The following FAM53A variants were observed in gnomAD, a reference collection of about 807,000 sequenced individuals.
FAM53A encodes protein FAM53A.
Under a neutral mutation model 26.6 loss-of-function variants are expected in FAM53A, and 28 were observed. The ratio of observed to expected loss-of-function variants is 1.05; its 90% CI spans 0.78 to 1.45. The LOEUF (loss-of-function observed/expected upper bound fraction) is 1.45, where lower values mean the gene tolerates loss of function less well. FAM53A is among the 40% of genes most tolerant of loss of function. FAM53A has a pLI of 0.00. For missense variants in FAM53A, 650 were observed against 575.8 expected (o/e 1.13, Z -1.32); for synonymous variants, 290 against 253.1 (o/e 1.15, Z -1.38).
At chr4:1,604,519 C>T in the FAM53A span, among the ~76,000 whole-genome samples, 3 of 152,092 alleles carry the variant, frequency 2.0e-5, no homozygotes, top group African/African-American at 7.2e-5. Flanking sequence ...CCAGGGAGCC[C>T]CCCACTCACA....
At chr4:1,617,106 C>CAGCCATATACTCCACTGCACTCT (rs1268844598), downstream of FAM53A, among the ~76,000 whole-genome samples, 21 of 151,022 alleles carry the variant, frequency 1.4e-4, no homozygotes, top group Non-Finnish European at 2.6e-4. Context: ...CACTGCACTC[C>CAGCCATATACTCCACTGCACTCT]AGGCAACAGA....
At chr4:1,644,042 G>T in intron 4 of FAM53A, 1 of 1,068,056 alleles carries the variant, frequency 9.4e-7, no homozygotes, top group Non-Finnish European at 1.3e-6. Flanking sequence ...TGGATGGCGT[G>T]GAGGTCCGGG....
the FAM53A span, among the ~76,000 whole-genome samples, chr4:1,603,887 A>AG: frequency 6.6e-6 from 1 of 152,220 alleles, no homozygotes; most frequent in Admixed American, 6.5e-5. Context: ...CGATTGCTGC[A>AG]GGCCTGACAT....
At chr4:1,673,062 C>T (rs1714794048) in intron 1 of FAM53A, among the ~76,000 whole-genome samples, 1 of 152,152 alleles carries the variant, frequency 6.6e-6, no homozygotes, top group Non-Finnish European at 1.5e-5. Flanking sequence ...GTATCACCAC[C>T]ACGCCTGGCC....
intron 2 of FAM53A, among the ~76,000 whole-genome samples, chr4:1,667,500 T>C (rs1185513103): frequency 6.6e-6 from 1 of 151,982 alleles, no homozygotes; most frequent in Admixed American, 6.6e-5. Context: ...CGGCCCTGAG[T>C]GCCAGGCCCC....
downstream of FAM53A, among the ~76,000 whole-genome samples, chr4:1,636,163 G>A (rs1444672872): frequency 6.6e-6 from 1 of 152,126 alleles, no homozygotes; most frequent in East Asian, 1.9e-4. Context: ...CTAATTCTTT[G>A]AAATGTACTG....
At chr4:1,592,307 G>C in the FAM53A span, among the ~76,000 whole-genome samples, 1 of 152,136 alleles carries the variant, frequency 6.6e-6, no homozygotes, top group Non-Finnish European at 1.5e-5. Flanking sequence ...GTCCACACGC[G>C]GCCCCATCAG....
At position 1,646,015 on chromosome 4, in the gene FAM53A, A is replaced by G. The variant is rs117225746; in HGVS notation, c.883-4408T>C. Among the ~76,000 whole-genome samples, 737 of 152,134 alleles carry G rather than the reference A, an allele frequency of 4.8e-3. 43 individuals are homozygous for G. In the East Asian group the frequency reaches 0.11, roughly 23 times the overall value. ...TCCTCCGCCAGGTGAGGACACAGCC[A>G]CAAGAGGCCATCTTGGAAGCAGAGG... is the stretch of plus-strand genomic sequence containing the variant. On this transcript the variant is annotated intron_variant, in intron 4 of 4. Transcript: ENST00000308132.
chr4:1,652,602 CATCA>C (rs1213928278), intron 4 of FAM53A, among the ~76,000 whole-genome samples: 1 of 149,502 alleles, frequency 6.7e-6, no homozygotes, highest in African/African-American at 2.5e-5. Context: ...ACACACCACA[CATCA>C]CTCACCACAC....
At chr4:1,668,036 G>C (rs1714364143) in intron 2 of FAM53A, among the ~76,000 whole-genome samples, 1 of 152,218 alleles carries the variant, frequency 6.6e-6, no homozygotes, top group Non-Finnish European at 1.5e-5. Flanking sequence ...GCGGGGTGCA[G>C]TCTGCTGCTT....
chr4:1,597,813 T>C, the FAM53A span, among the ~76,000 whole-genome samples: 1 of 152,188 alleles, frequency 6.6e-6, no homozygotes, highest in African/African-American at 2.4e-5. Context: ...CTGGCCACCA[T>C]GGTGAAACGC....
At chr4:1,639,205 T>A (rs1317231946), downstream of FAM53A, among the ~76,000 whole-genome samples, 1 of 151,976 alleles carries the variant, frequency 6.6e-6, no homozygotes, top group Non-Finnish European at 1.5e-5. Flanking sequence ...TGGAGGCCAC[T>A]CCAGCCCCAC....
At chr4:1,663,125 G>A (rs1577136936) in intron 2 of FAM53A, among the ~76,000 whole-genome samples, 1 of 152,200 alleles carries the variant, frequency 6.6e-6, no homozygotes, top group South Asian at 2.1e-4. Flanking sequence ...CGTGAACCTG[G>A]GAGGCAGAGT....
the FAM53A span, among the ~76,000 whole-genome samples, chr4:1,583,315 G>C: frequency 2.0e-5 from 3 of 152,188 alleles, no homozygotes; most frequent in Non-Finnish European, 4.4e-5. Flanking sequence ...CGGGGTCCCA[G>C]GTCTGCCCCA....
intron 1 of FAM53A, chr4:1,683,448 A>G (rs1208674907): frequency 6.6e-6 from 1 of 152,182 alleles, no homozygotes. Flanking sequence ...AGTAGTGAGA[A>G]AGGGGAAAGA....
intron 2 of FAM53A, among the ~76,000 whole-genome samples, chr4:1,661,386 C>T (rs940846578): frequency 1.3e-5 from 2 of 152,170 alleles, no homozygotes; most frequent in Admixed American, 1.3e-4. Flanking sequence ...TGCACTATCG[C>T]GACTCCTCAG....
the FAM53A span, among the ~76,000 whole-genome samples, chr4:1,592,047 A>G: frequency 6.6e-6 from 1 of 152,160 alleles, no homozygotes; most frequent in African/African-American, 2.4e-5. Context: ...GCTGGATGAT[A>G]AATGGATGCT....
chr4:1,654,638 C>CA (rs1713154754), intron 4 of FAM53A, among the ~76,000 whole-genome samples: 1 of 152,242 alleles, frequency 6.6e-6, no homozygotes, highest in Non-Finnish European at 1.5e-5. Context: ...GGGGACTCCC[C>CA]AGCAGCTGAG....
chr4:1,670,060 G>C (rs1577146517), intron 1 of FAM53A, among the ~76,000 whole-genome samples: 1 of 152,320 alleles, frequency 6.6e-6, no homozygotes, highest in South Asian at 2.1e-4. Context: ...TGCCCCAAAA[G>C]CCTGGCACGT....
Sources: allele counts gnomAD v4.1 joint callset (sites outside exome capture counted in the v4.1 genomes callset), GRCh38; gene constraint gnomAD v4.1.1; transcripts MANE v1.5; gene names NCBI Gene and HGNC (gene_info 2026-07-23, HGNC 2026-07-21).